The following WNT11 variants were observed in gnomAD, a reference collection of about 807,000 sequenced individuals.
WNT11 encodes Wnt family member 11, also known as protein Wnt-11.
Under a neutral mutation model 35.6 loss-of-function variants are expected in WNT11, and 20 were observed. That is an observed-to-expected ratio of 0.56 (90% CI 0.40 to 0.82). The LOEUF (loss-of-function observed/expected upper bound fraction) is 0.82. WNT11 is among the 40% of genes least tolerant of loss of function. WNT11 has a pLI of 0.00. For missense variants in WNT11, 459 were observed against 504.4 expected (o/e 0.91, Z 0.86); for synonymous variants, 200 against 211.9 (o/e 0.94, Z 0.49).
At chr11:76,195,834 ATGTT>A (rs1323846445) in intron 2 of WNT11, among the ~76,000 whole-genome samples, 1 of 152,196 alleles carries the variant, frequency 6.6e-6, no homozygotes, top group Non-Finnish European at 1.5e-5. Flanking sequence ...TAAGAAAAGA[ATGTT>A]TGTCAAACAT....
At chr11:76,208,277 G>A (rs1292093740), upstream of WNT11, among the ~76,000 whole-genome samples, 2 of 152,236 alleles carry the variant, frequency 1.3e-5, no homozygotes, top group Non-Finnish European at 2.9e-5. Flanking sequence ...GGAGCCTGTC[G>A]GCAAAACCCA....
At chr11:76,210,620 G>C (rs1953557856), upstream of WNT11, 1 of 985,178 alleles carries the variant, frequency 1.0e-6, no homozygotes, top group African/African-American at 1.7e-5. Context: ...CGAGAAGGAC[G>C]CCGGGGATCC....
intron 4 of WNT11, among the ~76,000 whole-genome samples, chr11:76,189,929 G>T (rs917633786): frequency 3.3e-5 from 5 of 152,182 alleles, no homozygotes; most frequent in Non-Finnish European, 5.9e-5. Context: ...ACCGGGAGCC[G>T]CAAGGCAGGA....
At chr11:76,189,816 C>G (rs762646901) in intron 4 of WNT11, among the ~76,000 whole-genome samples, 5 of 152,196 alleles carry the variant, frequency 3.3e-5, no homozygotes, top group Non-Finnish European at 7.3e-5. Context: ...GTAATGGGCA[C>G]AAGAAATGCT....
rs535709602 is a variant in WNT11 at position 76,203,058 on chromosome 11, G to A, written c.83+3267C>T. The stretch of plus-strand genomic sequence containing the variant: ...ATGCTTCTCAACCAAGAAACCAAAC[G>A]GCAGCTGCCACAGCATCATGAACTC... On this transcript the variant is annotated intron_variant, in intron 1 of 4. Coordinates refer to ENST00000322563, the MANE Select transcript of WNT11 (RefSeq NM_004626.3). Among the ~76,000 whole-genome samples, 4 of 152,288 alleles carry A rather than the reference G, an allele frequency of 2.6e-5. No individual in the cohort carries two copies. In the South Asian group the frequency reaches 8.3e-4, roughly 32 times the overall value.
At chr11:76,209,202 G>C (rs1391749565), upstream of WNT11, among the ~76,000 whole-genome samples, 2 of 152,194 alleles carry the variant, frequency 1.3e-5, no homozygotes, top group African/African-American at 4.8e-5. Flanking sequence ...AGCACCTTTG[G>C]AGAGCGAGCG....
chr11:76,199,600 C>A (rs1228960723), intron 1 of WNT11, among the ~76,000 whole-genome samples: 2 of 152,018 alleles, frequency 1.3e-5, no homozygotes, highest in East Asian at 1.9e-4. Flanking sequence ...GTCAGAAGAT[C>A]AAGACCATTC....
chr11:76,187,343 G>A (rs368798535), intron 4 of WNT11, 104 bp from the exon 5 acceptor site: 12 of 1,107,102 alleles, frequency 1.1e-5, no homozygotes, highest in East Asian at 8.6e-5. Flanking sequence ...CATGGCCACC[G>A]ACTCAGCCCT....
rs763829974 is a variant in WNT11, at chr11:76,206,398, G to T, written c.10C>A (p.Arg4=). The change falls in exon 1 of 5, where the codon CGG becomes AGG. Residue 4 remains arginine, a synonymous_variant. Coordinates refer to ENST00000322563, the MANE Select transcript of WNT11 (RefSeq NM_004626.3). MRA[R]PQVCEALLFA... is the part of the protein sequence containing the mutation. Reference sequence around the variant, plus strand: ...AGCAGCGCCTCGCAGACCTGCGGCCGCGCCCTCATCGTCGCGCGGCGGGCG... The same window carrying T: ...AGCAGCGCCTCGCAGACCTGCGGCCTCGCCCTCATCGTCGCGCGGCGGGCG... The T allele has an allele frequency of 6.6e-6, 10 of 1,525,164 alleles. No homozygotes were observed. The highest frequency in any genetic ancestry group is 8.8e-6 in the Non-Finnish European group (10 of 1,141,826). 94.5% of individuals were successfully genotyped at this position (1,525,164 alleles called of 1,614,324 possible).
chr11:76,206,536 G>A, upstream of WNT11: 1 of 1,225,526 alleles, frequency 8.2e-7, no homozygotes, highest in Non-Finnish European at 1.0e-6. Context: ...GGTTAAGGCG[G>A]CGCGCGGGCG....
chr11:76,203,230 G>T (rs1953412109), intron 1 of WNT11, among the ~76,000 whole-genome samples: 1 of 152,210 alleles, frequency 6.6e-6, no homozygotes, highest in Non-Finnish European at 1.5e-5. Flanking sequence ...TAGAGCTGAG[G>T]AAACTGAGGC....
At chr11:76,200,409 G>A (rs185626067) in intron 1 of WNT11, among the ~76,000 whole-genome samples, 8 of 152,300 alleles carry the variant, frequency 5.3e-5, no homozygotes, top group African/African-American at 1.2e-4. Flanking sequence ...AGAGGCAAAC[G>A]TCATCACCTC....
chr11:76,206,635 G>T (rs530002667), upstream of WNT11: 2 of 932,612 alleles, frequency 2.1e-6, no homozygotes, highest in Admixed American at 4.8e-5. Flanking sequence ...CCGCCCGGCC[G>T]GGGGACGCGT....
At chr11:76,190,969 G>A (rs939878702) in intron 4 of WNT11, 2 of 153,028 alleles carry the variant, frequency 1.3e-5, no homozygotes, top group East Asian at 3.8e-4. Context: ...CAGCAGCTGT[G>A]ACTGGGGCTG....
At chr11:76,203,456 C>T (rs187333373) in intron 1 of WNT11, among the ~76,000 whole-genome samples, 11 of 152,218 alleles carry the variant, frequency 7.2e-5, no homozygotes, top group Non-Finnish European at 1.5e-4. Context: ...CCACCGCTTC[C>T]GTGGTTCACA....
intron 1 of WNT11, among the ~76,000 whole-genome samples, chr11:76,204,601 C>G (rs1265410728): frequency 6.6e-6 from 1 of 152,202 alleles, no homozygotes; most frequent in Non-Finnish European, 1.5e-5. Context: ...CCATAGTCCA[C>G]TTTGTATTTC....
At chr11:76,200,878 G>A (rs57547288) in intron 1 of WNT11, among the ~76,000 whole-genome samples, 25 of 152,382 alleles carry the variant, frequency 1.6e-4, no homozygotes, top group African/African-American at 5.5e-4. Context: ...CATGGTGGGC[G>A]TTCAGGCAGT....
Position 76,186,832 on chromosome 11 carries a change from C to A in WNT11, c.*233G>T, listed in dbSNP as rs1424474558. On this transcript the variant is annotated 3_prime_UTR_variant, in exon 5 of 5. Coordinates refer to ENST00000322563, the MANE Select transcript of WNT11 (RefSeq NM_004626.3). ...GTGGGCACTCCAGAGCCTCAGGCTGCCAAGTTATTTTTAATCTTGTCGGTT... is the reference window on the plus strand; with the variant it reads ...GTGGGCACTCCAGAGCCTCAGGCTGACAAGTTATTTTTAATCTTGTCGGTT... 1 of 682,636 alleles carries A rather than the reference C, an allele frequency of 1.5e-6. No homozygotes were observed. The highest frequency in any genetic ancestry group is 1.5e-5 in the South Asian group (1 of 66,884). 42.3% of individuals were successfully genotyped at this position (682,636 alleles called of 1,614,324 possible). A position where few individuals can be genotyped will look rare whatever the true frequency, so the allele number is the denominator to read the frequency against.
intron 1 of WNT11, 36 bp downstream of exon 1, chr11:76,206,289 C>T: frequency 1.4e-6 from 2 of 1,466,194 alleles, no homozygotes; most frequent in South Asian, 2.7e-5. Flanking sequence ...GCCCCAGTCC[C>T]TGGCCTGTGC....
Sources: allele counts gnomAD v4.1 joint callset (sites outside exome capture counted in the v4.1 genomes callset), GRCh38; gene constraint gnomAD v4.1.1; transcripts MANE v1.5; gene names NCBI Gene and HGNC (gene_info 2026-07-23, HGNC 2026-07-21).